Variants in DSE observed in about 807,000 individuals in gnomAD.
DSE encodes the protein dermatan-sulfate epimerase.
Under a neutral mutation model 84.4 loss-of-function variants are expected in DSE, and 36 were observed. That is an observed-to-expected ratio of 0.43 (90% confidence interval 0.33 to 0.56). DSE has a LOEUF of 0.56. DSE is among the 20% of genes least tolerant of loss of function. The pLI is 0.06. For missense variants in DSE, 862 were observed against 1,169.6 expected (o/e 0.74, Z 3.84); for synonymous variants, 410 against 430.1 (o/e 0.95, Z 0.58).
intron 2 of DSE, among the ~76,000 whole-genome samples, chr6:116,290,183 T>C (rs1006441794): frequency 6.6e-6 from 1 of 152,052 alleles, no homozygotes; most frequent in Admixed American, 6.6e-5. Context: ...CATGTTGCTT[T>C]TCTGATTTCT....
rs1784373316 is a variant in DSE, at chr6:116,439,901, C to G, written c.*2556C>G. The G allele has an allele frequency of 6.6e-6, 1 of 151,624 alleles. No homozygotes were observed. Among genetic ancestry groups the G allele is most frequent in the Admixed American group, 6.6e-5 (1 of 15,224 alleles). 9.4% of individuals were successfully genotyped at this position (151,624 alleles called of 1,614,324 possible). A position where few individuals can be genotyped will look rare whatever the true frequency, so the allele number is the denominator to read the frequency against. ...GTGCTGCAGTGAGCTATGACTGTGC[C>G]ACTGCACTCCAGCCTTGGAGACAGA... On this transcript the variant is annotated 3_prime_UTR_variant, in exon 6 of 6. Transcript: ENST00000644252.
chr6:116,400,407 A>G (rs1781519992), intron 2 of DSE: 1 of 152,346 alleles, frequency 6.6e-6, no homozygotes, highest in South Asian at 2.1e-4. Flanking sequence ...TTCAATTGCA[A>G]TAAAAGAATT....
chr6:116,309,313 C>CACATACAT (rs145676578), intron 2 of DSE, among the ~76,000 whole-genome samples: 1,836 of 150,234 alleles, frequency 0.012, 22 homozygotes, highest in Admixed American at 0.032. Flanking sequence ...ATTTGGAATA[C>CACATACAT]ACATACATAC....
At chr6:116,328,412 G>A (rs991491603) in intron 2 of DSE, among the ~76,000 whole-genome samples, 4 of 152,302 alleles carry the variant, frequency 2.6e-5, no homozygotes, top group Middle Eastern at 3.4e-3. Flanking sequence ...GGACCGAGGA[G>A]ACTGTGCACA....
chr6:116,345,123 C>A (rs964648381), intron 2 of DSE, among the ~76,000 whole-genome samples: 2 of 151,986 alleles, frequency 1.3e-5, no homozygotes, highest in African/African-American at 2.4e-5. Flanking sequence ...TAAAGCAAGC[C>A]CTTAGAGACC....
In DSE at chr6:116,399,593, C is replaced by T. The variant is rs1265766661; in HGVS notation, c.343C>T (p.Leu115=). The change falls in exon 2 of 6, where the codon CTG becomes TTG. Residue 115 remains leucine (L), a synonymous_variant. Transcript: ENST00000644252. ...GGGTGCCTTGGCAATGTTCTGTGTG[C>T]TGTATCCTGAGAACATTGAAGCCCG... is the stretch of plus-strand genomic sequence containing the variant. ...NLGALAMFCV[L]YPENIEARDM... 6.2e-7 allele frequency: 1 copy of T among 1,614,238 alleles called. No homozygotes were observed. Among genetic ancestry groups the T allele is most frequent in the Admixed American group, 1.7e-5 (1 of 60,030 alleles).
At chr6:116,282,341 A>G (rs1338482348) in intron 2 of DSE, among the ~76,000 whole-genome samples, 1 of 152,198 alleles carries the variant, frequency 6.6e-6, no homozygotes, top group Non-Finnish European at 1.5e-5. Flanking sequence ...AACTTCTATT[A>G]TTCCAATATG....
At chr6:116,363,070 C>T (rs1778988224) in intron 2 of DSE, among the ~76,000 whole-genome samples, 1 of 151,856 alleles carries the variant, frequency 6.6e-6, no homozygotes, top group Non-Finnish European at 1.5e-5. Flanking sequence ...CCATTAATTT[C>T]CCCCCAGACA....
intron 2 of DSE, among the ~76,000 whole-genome samples, chr6:116,261,236 T>TTTA: frequency 6.6e-6 from 1 of 152,170 alleles, no homozygotes; most frequent in African/African-American, 2.4e-5. Flanking sequence ...TATTTATTTA[T>TTTA]TTATTTGTTG....
At chr6:116,321,525 A>G (rs1369455840) in intron 2 of DSE, among the ~76,000 whole-genome samples, 3 of 152,090 alleles carry the variant, frequency 2.0e-5, no homozygotes, top group Admixed American at 1.3e-4. Flanking sequence ...ACAGTGGCTC[A>G]TGCCTGTAAT....
At chr6:116,404,990 T>G (rs1781827265) in intron 2 of DSE, among the ~76,000 whole-genome samples, 1 of 149,990 alleles carries the variant, frequency 6.7e-6, no homozygotes, top group Non-Finnish European at 1.5e-5. Flanking sequence ...AATTGTGTTT[T>G]TTTTTTTTTT....
intron 3 of DSE, among the ~76,000 whole-genome samples, chr6:116,429,948 T>A: frequency 8.9e-5 from 1 of 11,244 alleles, no homozygotes; most frequent in South Asian, 1.1e-3. Context: ...CGAGACTCCG[T>A]CTCAAAAAAA....
intron 2 of DSE, among the ~76,000 whole-genome samples, chr6:116,271,548 G>A (rs547296934): frequency 4.6e-5 from 7 of 152,296 alleles, no homozygotes; most frequent in Admixed American, 2.6e-4. Flanking sequence ...GTCCTAAGCA[G>A]ACTTCACTTC....
chr6:116,329,884 C>T (rs12193053), intron 2 of DSE, among the ~76,000 whole-genome samples: 66,572 of 152,132 alleles, frequency 0.44, 15,467 homozygotes, highest in Non-Finnish European at 0.52. Context: ...AGTGCAATGA[C>T]GCGATCTCAG....
At chr6:116,429,010 A>T (rs1350478334) in intron 3 of DSE, among the ~76,000 whole-genome samples, 2 of 152,202 alleles carry the variant, frequency 1.3e-5, no homozygotes, top group Non-Finnish European at 2.9e-5. Flanking sequence ...GTTGTAAGGA[A>T]CAAATAAGGA....
intron 2 of DSE, among the ~76,000 whole-genome samples, chr6:116,410,055 CT>C (rs1179404279): frequency 6.6e-6 from 1 of 151,950 alleles, no homozygotes; most frequent in Admixed American, 6.6e-5. Flanking sequence ...GGAGCTTGGA[CT>C]TTTTTTTACA....
At chr6:116,377,669 G>C (rs1360558393) in intron 1 of DSE, among the ~76,000 whole-genome samples, 1 of 152,098 alleles carries the variant, frequency 6.6e-6, no homozygotes, top group Non-Finnish European at 1.5e-5. Context: ...AATTGCCTCA[G>C]TGACAAATAC....
At chr6:116,364,468 C>T (rs962372867) in intron 2 of DSE, among the ~76,000 whole-genome samples, 4 of 152,128 alleles carry the variant, frequency 2.6e-5, no homozygotes, top group Admixed American at 6.5e-5. Context: ...TTGCCTGACA[C>T]GGGTAATCTC....
At chr6:116,364,828 CTTTTTTTTTT>C in intron 2 of DSE, among the ~76,000 whole-genome samples, 1 of 131,196 alleles carries the variant, frequency 7.6e-6, no homozygotes. Flanking sequence ...TTTAGTAACA[CTTTTTTTTTT>C]TTTTTTTTTT....
Sources: gnomAD v4.1 joint callset for allele counts (sites outside exome capture counted in the v4.1 genomes callset) on GRCh38, gnomAD v4.1.1 for gene constraint, MANE v1.5 for transcripts, NCBI Gene and HGNC (gene_info 2026-07-23, HGNC 2026-07-21) for gene names.